Variants in ENPP1 observed in about 807,000 individuals in gnomAD.
The protein encoded by ENPP1 is ectonucleotide pyrophosphatase/phosphodiesterase 1.
Under a neutral mutation model 122.8 loss-of-function variants are expected in ENPP1, and 73 were observed. The ratio of observed to expected loss-of-function variants is 0.59; its 90% CI spans 0.49 to 0.72. ENPP1 has a LOEUF of 0.72. Among genes scored for constraint, ENPP1 ranks in the 30% least tolerant of loss-of-function variants. ENPP1 has a pLI of 0.00. For synonymous variants in ENPP1, 367 were observed against 391.6 expected (o/e 0.94, Z 0.74); for missense variants, 978 against 1,128.1 (o/e 0.87, Z 1.91).
rs753352387 is a variant in ENPP1, at chr6:131,860,553, T to C, written c.915+47T>C. 3.2e-5 allele frequency: 45 copies of C among 1,427,418 alleles called. 1 individual carries two copies. In the South Asian group the frequency reaches 4.8e-4, roughly 15 times the overall value. 88.4% of individuals were successfully genotyped at this position (1,427,418 alleles called of 1,614,324 possible). A position where few individuals can be genotyped will look rare whatever the true frequency, so the allele number is the denominator to read the frequency against. On this transcript the variant is annotated intron_variant, in intron 8 of 24. Transcript: ENST00000647893. ...TAAAATAGTTAATTATTCTCATCTA[T>C]TTCAATCAGAGTAAAATAACCAGAT...
rs753699012 is a variant in ENPP1 at position 131,861,703 on chromosome 6, G to A, written c.1024G>A (p.Gly342Ser). Reference protein sequence around the residue: ...IFPDIYKMYNGSVPFEERILA... With the variant: ...IFPDIYKMYNSSVPFEERILA... Reference sequence around the variant, plus strand: ...CCCAGACATCTATAAAATGTATAATGGGTATGTGAAATGAATTTTTTCTAG... The same window carrying A: ...CCCAGACATCTATAAAATGTATAATAGGTATGTGAAATGAATTTTTTCTAG... The change falls in exon 9 of 25, where the codon GGT becomes AGT. Residue 342 changes from glycine to serine, a missense_variant and splice_region_variant. Around this residue, in one of 3 missense-constraint regions of ENPP1, gnomAD observed 644 missense variants for 781.5 expected, o/e 0.82. Coordinates refer to ENST00000647893, the MANE Select transcript of ENPP1 (RefSeq NM_006208.3). 5 of 1,532,718 alleles carry A rather than the reference G, an allele frequency of 3.3e-6. No individual in the cohort carries two copies. The highest frequency in any genetic ancestry group is 1.4e-5 in the African/African-American group (1 of 73,298). The allele number at this position is 1,532,718 out of a possible 1,614,324, so 94.9% of individuals were successfully genotyped here. A position where few individuals can be genotyped will look rare whatever the true frequency, so the allele number is the denominator to read the frequency against.
chr6:131,819,595 G>A (rs1177706859), intron 1 of ENPP1, among the ~76,000 whole-genome samples: 2 of 152,118 alleles, frequency 1.3e-5, no homozygotes, highest in Non-Finnish European at 2.9e-5. Context: ...TGAGACAAAC[G>A]TGCATTTGTG....
intron 18 of ENPP1, 42 bp from the exon 19 acceptor site, chr6:131,878,500 A>G (rs771381634): frequency 8.0e-7 from 1 of 1,253,920 alleles, no homozygotes; most frequent in Non-Finnish European, 1.2e-6. Context: ...AATTTAAAAC[A>G]TGTCTCTCAG....
chr6:131,808,170 G>A lies in ENPP1; in HGVS notation c.135G>A (p.Ala45=). The A allele has an allele frequency of 6.9e-7, 1 of 1,459,626 alleles. No individual in the cohort carries two copies. The highest frequency in any genetic ancestry group is 9.1e-7 in the Non-Finnish European group (1 of 1,101,538). The allele number at this position is 1,459,626 out of a possible 1,614,324, so 90.4% of individuals were successfully genotyped here. ...HAAEAPGDPQ[A]AASLLAPMDV... The stretch of plus-strand genomic sequence containing the variant: ...CCGAGGCGCCCGGGGACCCGCAGGC[G>A]GCCGCGTCCTTGCTGGCCCCTATGG... Residue 45 remains alanine (A), a synonymous_variant, in exon 1 of 25, where the codon GCG becomes GCA. Coordinates refer to ENST00000647893, the MANE Select transcript of ENPP1 (RefSeq NM_006208.3).
intron 1 of ENPP1, among the ~76,000 whole-genome samples, chr6:131,819,617 C>G (rs73780762): frequency 0.018 from 2,670 of 152,288 alleles, 100 homozygotes; most frequent in African/African-American, 0.06. Context: ...AACTGCATGT[C>G]AGTCAGCCAG....
At chr6:131,839,606 A>G (rs565318523) in intron 1 of ENPP1, among the ~76,000 whole-genome samples, 2 of 152,340 alleles carry the variant, frequency 1.3e-5, no homozygotes, top group African/African-American at 4.8e-5. Context: ...ACATGGGTCC[A>G]TTGGAGAAAC....
chr6:131,834,838 C>T (rs1050597695), intron 1 of ENPP1, among the ~76,000 whole-genome samples: 14 of 152,114 alleles, frequency 9.2e-5, no homozygotes, highest in South Asian at 2.1e-4. Flanking sequence ...GGATTACAGG[C>T]GTGAGCCACC....
At chr6:131,849,609 A>G (rs1781855785) in intron 2 of ENPP1, among the ~76,000 whole-genome samples, 2 of 152,112 alleles carry the variant, frequency 1.3e-5, no homozygotes, top group African/African-American at 4.8e-5. Context: ...ATTTTAGGGA[A>G]CCCCATGCCT....
chr6:131,825,070 C>A (rs963635668), intron 1 of ENPP1, among the ~76,000 whole-genome samples: 2 of 150,180 alleles, frequency 1.3e-5, no homozygotes, highest in East Asian at 2.0e-4. Flanking sequence ...AAAAAAAAAA[C>A]AAACAAACAA....
chr6:131,877,347 C>T (rs907204553), intron 18 of ENPP1, 186 bp downstream of exon 18: 1 of 655,396 alleles, frequency 1.5e-6, no homozygotes. Flanking sequence ...CTAGTTTTTG[C>T]ATTTTCCACT....
At chr6:131,878,655 A>G in intron 19 of ENPP1, 62 bp downstream of exon 19, 1 of 1,242,438 alleles carries the variant, frequency 8.0e-7, no homozygotes, top group Admixed American at 1.7e-5. Context: ...TCAGTGTGAA[A>G]TGCAGAGAAC....
intron 3 of ENPP1, 68 bp from the exon 4 acceptor site, chr6:131,851,074 A>G (rs1781874536): frequency 1.3e-6 from 2 of 1,563,748 alleles, no homozygotes; most frequent in South Asian, 2.2e-5. Flanking sequence ...GAAGACAGCA[A>G]TTCTGTGTTC....
intron 18 of ENPP1, 162 bp downstream of exon 18, chr6:131,877,323 T>C (rs1016751935): frequency 1.4e-6 from 1 of 721,904 alleles, no homozygotes; most frequent in Non-Finnish European, 2.4e-6. Context: ...TTTTGTGATA[T>C]ATCTTTTCTC....
At chr6:131,867,928 T>C (rs1782111067) in intron 11 of ENPP1, 90 bp from the exon 12 acceptor site, 1 of 171,212 alleles carries the variant, frequency 5.8e-6, no homozygotes, top group Non-Finnish European at 1.1e-5. Flanking sequence ...TGTTTCTTTC[T>C]TTTTTTTTTT....
chr6:131,844,325 A>G (rs1220774124), intron 1 of ENPP1, among the ~76,000 whole-genome samples: 2 of 152,246 alleles, frequency 1.3e-5, no homozygotes, highest in South Asian at 4.1e-4. Flanking sequence ...AACTGTGAGT[A>G]ATTGCGTAAA....
At chr6:131,838,266 C>G (rs1781700783) in intron 1 of ENPP1, among the ~76,000 whole-genome samples, 1 of 152,082 alleles carries the variant, frequency 6.6e-6, no homozygotes, top group Non-Finnish European at 1.5e-5. Context: ...ATGATATCAT[C>G]ACTGTGCCAA....
rs141020601 is a variant in ENPP1 at position 131,886,578 on chromosome 6, C to T, written c.2461C>T (p.Arg821Cys). The T allele has an allele frequency of 2.4e-5, 39 of 1,612,698 alleles. No individual in the cohort carries two copies. The highest frequency in any genetic ancestry group is 1.2e-4 in the African/African-American group (9 of 74,878). ...ENLRQKRRVI[R>C]NQEILIPTHF... ...GTTTTACAGAAAAAGAAGAGTCATC[C>T]GTAACCAAGAAATTTTGATTCCAAC... The change falls in exon 24 of 25, where the codon CGT becomes TGT. Residue 821 changes from arginine to cysteine, a missense_variant. By Grantham distance (180) the Arg-to-Cys change is radical (BLOSUM62 -3). Around this residue, in one of 3 missense-constraint regions of ENPP1, gnomAD observed 644 missense variants for 781.5 expected, o/e 0.82. Transcript: ENST00000647893.
chr6:131,869,250 A>T (rs1782127499), intron 12 of ENPP1, 108 bp from the exon 13 acceptor site: 6 of 992,168 alleles, frequency 6.0e-6, no homozygotes, highest in Non-Finnish European at 9.5e-6. Context: ...TATGAGTGCT[A>T]CACCCATGTT....
intron 1 of ENPP1, among the ~76,000 whole-genome samples, chr6:131,822,077 A>G (rs1781490855): frequency 6.6e-6 from 1 of 152,146 alleles, no homozygotes; most frequent in Non-Finnish European, 1.5e-5. Flanking sequence ...GGTCTTATCT[A>G]CTTTTGGATT....
Sources: gnomAD v4.1 joint callset for allele counts (sites outside exome capture counted in the v4.1 genomes callset) on GRCh38, gnomAD v4.1.1 for gene constraint, gnomAD v4.1.1 regional missense constraint, MANE v1.5 for transcripts, NCBI Gene and HGNC (gene_info 2026-07-23, HGNC 2026-07-21) for gene names.